MED12L: variants seen among roughly 807,000 people sequenced by gnomAD.
The protein encoded by MED12L is mediator complex subunit 12L, also known as mediator of RNA polymerase II transcription subunit 12-like protein.
Under a neutral mutation model 281.3 loss-of-function variants are expected in MED12L, and 60 were observed. That is an observed-to-expected ratio of 0.21 (90% CI 0.17 to 0.26). MED12L has a LOEUF of 0.26. Ranked by LOEUF, MED12L falls within the 10% of genes least tolerant of loss-of-function variation. The pLI is 1.00. For missense variants in MED12L, 2,146 were observed against 2,680.9 expected (o/e 0.80, Z 4.41); for synonymous variants, 974 against 987.2 (o/e 0.99, Z 0.25).
chr3:151,238,149 C>CTTTTTA (rs1733316245), intron 16 of MED12L, among the ~76,000 whole-genome samples: 1 of 150,766 alleles, frequency 6.6e-6, no homozygotes. Flanking sequence ...TTTTCTTTTT[C>CTTTTTA]TTTTTCTTTT....
intron 16 of MED12L, among the ~76,000 whole-genome samples, chr3:151,288,355 T>G (rs1743827015): frequency 6.6e-6 from 1 of 152,238 alleles, no homozygotes; most frequent in Non-Finnish European, 1.5e-5. Context: ...TAAATGTATT[T>G]TTTCTGGTTT....
Position 151,377,175 on chromosome 3 carries a change from T to C in MED12L, c.4313T>C (p.Leu1438Pro), listed in dbSNP as rs1466524285. 1 of 1,605,250 alleles carries C rather than the reference T, an allele frequency of 6.2e-7. No homozygotes were observed. The highest frequency in any genetic ancestry group is 1.7e-5 in the Admixed American group (1 of 58,168). Residue 1438 changes from leucine to proline, a missense_variant, in exon 30 of 45, where the codon CTA (leucine) becomes CCA (proline). Transcript: ENST00000687756. Reference protein sequence around the residue: ...STRQNGIKTFLSSSERRGVWL... With the variant: ...STRQNGIKTFPSSSERRGVWL... Reference sequence around the variant, plus strand: ...AGACAGAATGGAATAAAGACATTCCTAAGGTATTTTTGTCTGTTGTTTTAT... The same window carrying C: ...AGACAGAATGGAATAAAGACATTCCCAAGGTATTTTTGTCTGTTGTTTTAT...
intron 2 of MED12L, among the ~76,000 whole-genome samples, chr3:151,115,191 AC>A (rs1239353236): frequency 6.6e-6 from 1 of 152,020 alleles, no homozygotes; most frequent in African/African-American, 2.4e-5. Flanking sequence ...GTGCCTAGGA[AC>A]CTTTTGTTTC....
intron 16 of MED12L, among the ~76,000 whole-genome samples, chr3:151,236,504 G>C (rs1015998056): frequency 1.3e-5 from 2 of 152,114 alleles, no homozygotes; most frequent in Non-Finnish European, 2.9e-5. Context: ...TAACCAAAAC[G>C]AAAGCCAAGA....
chr3:151,354,588 A>T (rs919659580), intron 17 of MED12L, among the ~76,000 whole-genome samples: 2 of 152,206 alleles, frequency 1.3e-5, no homozygotes, highest in African/African-American at 4.8e-5. Context: ...TGTGGATATC[A>T]TTGTAATTTA....
At chr3:151,199,515 C>T in intron 16 of MED12L, 2 of 760,484 alleles carry the variant, frequency 2.6e-6, no homozygotes, top group East Asian at 2.6e-5. Context: ...TTGGTCTTCA[C>T]AATACCGTTG....
At chr3:151,102,473 A>C (rs905279561) in intron 2 of MED12L, among the ~76,000 whole-genome samples, 4 of 152,146 alleles carry the variant, frequency 2.6e-5, no homozygotes, top group African/African-American at 7.2e-5. Flanking sequence ...AATTGCCACC[A>C]CCAACAGCAA....
chr3:151,314,305 A>G (rs929038796), intron 16 of MED12L, among the ~76,000 whole-genome samples: 10 of 152,248 alleles, frequency 6.6e-5, no homozygotes, highest in Admixed American at 2.0e-4. Context: ...CAAATATTCT[A>G]TTCTGCCTGT....
chr3:151,402,104 A>G (rs1280574200), intron 39 of MED12L, among the ~76,000 whole-genome samples: 2 of 152,184 alleles, frequency 1.3e-5, no homozygotes, highest in East Asian at 3.8e-4. Context: ...AAATGGTGAG[A>G]ATAGGTATTA....
intron 16 of MED12L, among the ~76,000 whole-genome samples, chr3:151,313,968 C>T (rs546586650): frequency 2.0e-5 from 3 of 152,014 alleles, no homozygotes; most frequent in African/African-American, 7.2e-5. Context: ...AATCTTGTCA[C>T]ATATCAAGCT....
intron 16 of MED12L, among the ~76,000 whole-genome samples, chr3:151,305,032 C>G (rs1746462302): frequency 6.6e-6 from 1 of 152,138 alleles, no homozygotes. Context: ...AATAGCTTGC[C>G]CTTCCTTTAA....
chr3:151,291,447 G>T lies in MED12L; in HGVS notation c.2251-58612G>T, dbSNP rs938121818. 2.6e-5 allele frequency among the ~76,000 whole-genome samples: 4 copies of T among 152,034 alleles called. No individual in the cohort carries two copies. In the East Asian group the frequency reaches 7.7e-4, roughly 29 times the overall value. ...CATTGAAAGATTTTCTACAAGATCAGTTTCTCTGAATGTCAGTTTTATGAA... is the reference window on the plus strand; with the variant it reads ...CATTGAAAGATTTTCTACAAGATCATTTTCTCTGAATGTCAGTTTTATGAA... On this transcript the variant is annotated intron_variant, in intron 16 of 44. Coordinates refer to ENST00000687756, the MANE Select transcript of MED12L (RefSeq NM_001393769.1).
chr3:151,372,100 A>G (rs1166672728), intron 26 of MED12L, among the ~76,000 whole-genome samples: 1 of 152,212 alleles, frequency 6.6e-6, no homozygotes, highest in East Asian at 1.9e-4. Flanking sequence ...AGTTGATAGT[A>G]AGGTGGGCTA....
At chr3:151,240,264 A>G (rs1733817972) in intron 16 of MED12L, among the ~76,000 whole-genome samples, 1 of 152,196 alleles carries the variant, frequency 6.6e-6, no homozygotes, top group East Asian at 1.9e-4. Context: ...TGTGGGAATG[A>G]TGGCAGGTAA....
At chr3:151,341,450 C>T (rs1751809253) in intron 16 of MED12L, among the ~76,000 whole-genome samples, 1 of 151,744 alleles carries the variant, frequency 6.6e-6, no homozygotes, top group Non-Finnish European at 1.5e-5. Context: ...GAAAATATAA[C>T]ATTAAATTAA....
intron 16 of MED12L, among the ~76,000 whole-genome samples, chr3:151,225,753 A>T (rs75440324): frequency 6.6e-6 from 1 of 151,966 alleles, no homozygotes; most frequent in African/African-American, 2.4e-5. Context: ...CCCACCCCCT[A>T]TCTTTTTTCA....
In MED12L at chr3:151,228,926, C is replaced by T. The variant is rs560590106; in HGVS notation, c.2250+35260C>T. 2.2e-4 allele frequency among the ~76,000 whole-genome samples: 34 copies of T among 152,306 alleles called. 1 individual carries two copies. The highest frequency in any genetic ancestry group is 9.8e-4 in the Admixed American group (15 of 15,310). On this transcript the variant is annotated intron_variant, in intron 16 of 44. Coordinates refer to ENST00000687756, the MANE Select transcript of MED12L (RefSeq NM_001393769.1). ...GAATCCATGACCTCTTTTCGCCTCACTGAGATGGTATTTGCATTTCTCAGG... is the reference window on the plus strand; with the variant it reads ...GAATCCATGACCTCTTTTCGCCTCATTGAGATGGTATTTGCATTTCTCAGG...
At chr3:151,382,792 G>T (rs757949381) in intron 33 of MED12L, 47 bp downstream of exon 33, 3 of 1,452,042 alleles carry the variant, frequency 2.1e-6, no homozygotes, top group Non-Finnish European at 9.5e-7. Flanking sequence ...ATATTTACAT[G>T]TGAAAATACC....
At chr3:151,400,651 A>G (rs559204905) in intron 39 of MED12L, among the ~76,000 whole-genome samples, 6 of 152,330 alleles carry the variant, frequency 3.9e-5, no homozygotes, top group South Asian at 4.1e-4. Context: ...CTCCTTGGCA[A>G]AAATGAATCT....
Sources: allele counts gnomAD v4.1 joint callset (sites outside exome capture counted in the v4.1 genomes callset), GRCh38; gene constraint gnomAD v4.1.1; transcripts MANE v1.5; gene names NCBI Gene and HGNC (gene_info 2026-07-23, HGNC 2026-07-21).